MSL2: variants seen among roughly 807,000 people sequenced by gnomAD.
The protein encoded by MSL2 is E3 ubiquitin-protein ligase MSL2.
A neutral mutation model predicts 35.8 loss-of-function variants in MSL2; 2 were observed. The ratio of observed to expected loss-of-function variants is 0.06; its 90% CI spans 0.02 to 0.18. The LOEUF is 0.18. Ranked by LOEUF, MSL2 falls within the 10% of genes least tolerant of loss-of-function variation. MSL2 has a pLI of 1.00. For synonymous variants in MSL2, 296 were observed against 255.7 expected (o/e 1.16, Z -1.50); for missense variants, 523 against 706.7 (o/e 0.74, Z 2.95).
At chr3:136,162,986 C>A in intron 1 of MSL2, among the ~76,000 whole-genome samples, 1 of 124,132 alleles carries the variant, frequency 8.1e-6, no homozygotes, top group African/African-American at 3.1e-5. Context: ...TTTTTTTTTT[C>A]AGTAGGGAGG....
In MSL2 at chr3:136,195,562, CG is replaced by C; in HGVS notation, c.-450del. 3 of 998,420 alleles carry C rather than the reference CG, an allele frequency of 3.0e-6. No homozygotes were observed. Among genetic ancestry groups the C allele is most frequent in the Non-Finnish European group, 3.6e-6 (3 of 838,544 alleles). The allele number at this position is 998,420 out of a possible 1,614,324, so 61.8% of individuals were successfully genotyped here. A position where few individuals can be genotyped will look rare whatever the true frequency, so the allele number is the denominator to read the frequency against. ...CGTCTGAGGCGCGGCACGCTTCTCC[CG>C]GGCTGCAGGGCCTCTTACTCCATCC... On this transcript the variant is annotated 5_prime_UTR_variant, in exon 1 of 2. Coordinates refer to ENST00000309993, the MANE Select transcript of MSL2 (RefSeq NM_018133.4).
rs758846998 is a variant in MSL2 at position 136,152,384 on chromosome 3, G to GTCA, written c.496_497insTGA (p.Pro166delinsLeuThr). The GTCA allele has an allele frequency of 6.2e-7, 1 of 1,614,186 alleles. No homozygotes were observed. Among genetic ancestry groups the GTCA allele is most frequent in the African/African-American group, 1.3e-5 (1 of 75,048 alleles). On this transcript the variant is annotated protein_altering_variant, in exon 2 of 2. Transcript: ENST00000309993. ...TAAACTAGCTTGAGGATCAGTTGTG[G>GTCA]GTTCTGAGGTTGAAGGTAAAGGGGA...
chr3:136,187,431 G>A (rs112958880), intron 1 of MSL2, among the ~76,000 whole-genome samples: 5 of 152,236 alleles, frequency 3.3e-5, no homozygotes, highest in African/African-American at 1.2e-4. Context: ...GGGAGGTCGA[G>A]GTGGGAGGAT....
At chr3:136,176,893 T>C (rs775074962) in intron 1 of MSL2, among the ~76,000 whole-genome samples, 27 of 152,128 alleles carry the variant, frequency 1.8e-4, no homozygotes, top group Non-Finnish European at 2.9e-4. Context: ...CCTCAGGTAT[T>C]CCTTAACAGC....
intron 1 of MSL2, among the ~76,000 whole-genome samples, chr3:136,194,101 T>C (rs1940765561): frequency 2.0e-5 from 3 of 152,260 alleles, no homozygotes; most frequent in Non-Finnish European, 4.4e-5. Context: ...TAGGATAGAA[T>C]ATTAAGTGGA....
chr3:136,191,916 A>C (rs1408132145), intron 1 of MSL2, among the ~76,000 whole-genome samples: 1 of 152,234 alleles, frequency 6.6e-6, no homozygotes, highest in African/African-American at 2.4e-5. Flanking sequence ...TTTCAACCTA[A>C]TTGCAAAGTT....
intron 1 of MSL2, among the ~76,000 whole-genome samples, chr3:136,162,273 T>TTAAAA (rs764964239): frequency 1.5e-5 from 2 of 135,906 alleles, no homozygotes; most frequent in African/African-American, 5.4e-5. Context: ...ATAAGGTTTT[T>TTAAAA]AAAAAAAAAA....
chr3:136,187,229 A>G (rs1312504918), intron 1 of MSL2, among the ~76,000 whole-genome samples: 2 of 152,222 alleles, frequency 1.3e-5, no homozygotes, highest in Non-Finnish European at 2.9e-5. Context: ...AAGATAACAC[A>G]ATACATTTCA....
chr3:136,179,988 C>T (rs1302702909), intron 1 of MSL2, among the ~76,000 whole-genome samples: 1 of 152,048 alleles, frequency 6.6e-6, no homozygotes, highest in Non-Finnish European at 1.5e-5. Context: ...ACACTTGAAC[C>T]CAGGAGGCAG....
chr3:136,184,873 C>T (rs537409122), intron 1 of MSL2, among the ~76,000 whole-genome samples: 43 of 151,958 alleles, frequency 2.8e-4, no homozygotes, highest in African/African-American at 9.4e-4. Flanking sequence ...TAATGGAATG[C>T]TTCCAATTCA....
At position 136,179,012 on chromosome 3, in the gene MSL2, A is replaced by G. The variant is rs139304791; in HGVS notation, c.142+15960T>C. On this transcript the variant is annotated intron_variant, in intron 1 of 1. Transcript: ENST00000309993. The stretch of plus-strand genomic sequence containing the variant: ...TTTTTTTTTTTTTTTTTAAGAGACA[A>G]GGTCTCACTCTGTCACCCAGGCTGG... Among the ~76,000 whole-genome samples the G allele has an allele frequency of 2.2e-3, 292 of 132,040 alleles. 8 individuals are homozygous for G. In the East Asian group the frequency reaches 0.054, roughly 24 times the overall value. 86.6% of individuals were successfully genotyped at this position (132,040 alleles called of 152,430 possible).
At chr3:136,180,811 A>AGGG in intron 1 of MSL2, among the ~76,000 whole-genome samples, 1 of 114,456 alleles carries the variant, frequency 8.7e-6, no homozygotes, top group Non-Finnish European at 1.9e-5. Context: ...GGAGGGAGGG[A>AGGG]AGGAGGGAAG....
rs982986774 is a variant in MSL2, at chr3:136,195,302, T to A, written c.-189A>T. ...AACAATCCTCCCACACATGGGGCCT[T>A]GGCGCCCCTCCGTCCCTGAGACTTC... On this transcript the variant is annotated 5_prime_UTR_variant, in exon 1 of 2. Coordinates refer to ENST00000309993, the MANE Select transcript of MSL2 (RefSeq NM_018133.4). The A allele has an allele frequency of 7.1e-7, 1 of 1,400,210 alleles. No homozygotes were observed. Among genetic ancestry groups the A allele is most frequent in the Non-Finnish European group, 9.2e-7 (1 of 1,082,670 alleles). 86.7% of individuals were successfully genotyped at this position (1,400,210 alleles called of 1,614,324 possible).
chr3:136,194,916 G>C, intron 1 of MSL2, 56 bp downstream of exon 1: 1 of 1,610,462 alleles, frequency 6.2e-7, no homozygotes, highest in South Asian at 1.1e-5. Context: ...CGTTACCACT[G>C]CCCAGAAGGC....
chr3:136,170,224 A>G (rs1576365115), intron 1 of MSL2, among the ~76,000 whole-genome samples: 1 of 149,142 alleles, frequency 6.7e-6, no homozygotes, highest in South Asian at 2.2e-4. Flanking sequence ...GTGGTGGTGC[A>G]TGCCTGTAAT....
chr3:136,159,980 A>G (rs1048325495), intron 1 of MSL2, among the ~76,000 whole-genome samples: 2 of 152,200 alleles, frequency 1.3e-5, no homozygotes, highest in South Asian at 4.1e-4. Context: ...CATTAAGAAA[A>G]TGAAAAAATG....
chr3:136,165,708 CTTT>C (rs942434526), intron 1 of MSL2, among the ~76,000 whole-genome samples: 10 of 152,088 alleles, frequency 6.6e-5, no homozygotes, highest in African/African-American at 2.4e-4. Flanking sequence ...ATCTTCTGTT[CTTT>C]ATTTCAAAAA....
rs1939253205 is a variant in MSL2, at chr3:136,149,028, C to A, written c.*2119G>T. On this transcript the variant is annotated 3_prime_UTR_variant, in exon 2 of 2. Coordinates refer to ENST00000309993, the MANE Select transcript of MSL2 (RefSeq NM_018133.4). ...AAGAGAAACTTGTGCTAAAAACAACCTGAATTCATCATTGGCAATATTACA... is the reference window on the plus strand; with the variant it reads ...AAGAGAAACTTGTGCTAAAAACAACATGAATTCATCATTGGCAATATTACA... 1 of 151,912 alleles carries A rather than the reference C, an allele frequency of 6.6e-6. No individual in the cohort carries two copies. Among genetic ancestry groups the A allele is most frequent in the Non-Finnish European group, 1.5e-5 (1 of 67,944 alleles). 9.4% of individuals were successfully genotyped at this position (151,912 alleles called of 1,614,324 possible).
chr3:136,170,132 A>G (rs930375342), intron 1 of MSL2, among the ~76,000 whole-genome samples: 1 of 151,522 alleles, frequency 6.6e-6, no homozygotes, highest in Non-Finnish European at 1.5e-5. Context: ...ACCTGAGGTC[A>G]GGGGTTCACG....
Sources: gnomAD v4.1 joint callset for allele counts (sites outside exome capture counted in the v4.1 genomes callset) on GRCh38, gnomAD v4.1.1 for gene constraint, MANE v1.5 for transcripts, NCBI Gene and HGNC (gene_info 2026-07-23, HGNC 2026-07-21) for gene names.